ABCA10: variants seen among roughly 807,000 people sequenced by gnomAD.
ABCA10 encodes ATP-binding cassette sub-family A member 10.
Under a neutral mutation model 187.5 loss-of-function variants are expected in ABCA10, and 169 were observed. The observed-to-expected ratio is 0.90, with a 90% CI of 0.80 to 1.02. ABCA10 has a LOEUF of 1.02. Among genes scored for constraint, ABCA10 ranks in the 50% least tolerant of loss-of-function variants. The pLI is 0.00. For synonymous variants in ABCA10, 574 were observed against 601.8 expected (o/e 0.95, Z 0.68); for missense variants, 1,727 against 1,812.4 (o/e 0.95, Z 0.86).
In ABCA10 at chr17:69,152,453, T is replaced by C; in HGVS notation, c.4165A>G (p.Lys1389Glu). The change falls in exon 35 of 39, where the codon AAG becomes GAG. Residue 1389 changes from lysine to glutamate, a missense_variant. Physicochemically the swap from Lys to Glu is moderately conservative, Grantham distance 56. Coordinates refer to ENST00000690296, the MANE Select transcript of ABCA10 (RefSeq NM_001377321.1). The part of the protein sequence containing the change: ...WQILQATVKN[K>E]ERGTLLTTHY... ...GTGGTCAAGAGGGTGCCCCTCTCCTTGTTTTTAACGGTAGCCTGAAGTATC... is the reference window on the plus strand; with the variant it reads ...GTGGTCAAGAGGGTGCCCCTCTCCTCGTTTTTAACGGTAGCCTGAAGTATC... 6.2e-7 allele frequency: 1 copy of C among 1,613,880 alleles called. No individual in the cohort carries two copies. Among genetic ancestry groups the C allele is most frequent in the South Asian group, 1.1e-5 (1 of 91,050 alleles).
At chr17:69,190,547 A>G (rs2074452409) in intron 17 of ABCA10, 70 bp from the exon 18 acceptor site, 3 of 1,355,194 alleles carry the variant, frequency 2.2e-6, no homozygotes, top group East Asian at 5.7e-5. Flanking sequence ...ACTAATTTCT[A>G]AATATTACTC....
intron 10 of ABCA10, among the ~76,000 whole-genome samples, chr17:69,199,521 G>A (rs2074528691): frequency 6.6e-6 from 1 of 152,190 alleles, no homozygotes; most frequent in Non-Finnish European, 1.5e-5. Context: ...ATATCAAGGT[G>A]GATGACACTG....
chr17:69,213,139 T>C (rs1173675498), intron 9 of ABCA10, among the ~76,000 whole-genome samples: 2 of 152,134 alleles, frequency 1.3e-5, no homozygotes, highest in African/African-American at 4.8e-5. Flanking sequence ...TGACTTTGTG[T>C]AATGGCTTGA....
chr17:69,148,946 A>G, intron 38 of ABCA10, 21 bp from the exon 39 acceptor site: 1 of 1,612,986 alleles, frequency 6.2e-7, no homozygotes, highest in Non-Finnish European at 8.5e-7. Flanking sequence ...GAAAATAAAA[A>G]AGATACAAAA....
rs1345557998 is a variant in ABCA10 at position 69,239,627 on chromosome 17, C to T, written c.-593+4902G>A. On this transcript the variant is annotated intron_variant, in intron 1 of 39. Transcript: ENST00000269081. ...CGACAGAGTTGTTCTGTGTTGAGAG[C>T]TCTGCAGTTCTTTTTACAGTAATTG... Among the ~76,000 whole-genome samples the T allele has an allele frequency of 3.3e-5, 5 of 152,094 alleles. No individual in the cohort carries two copies. In the East Asian group the frequency reaches 9.7e-4, roughly 29 times the overall value.
intron 25 of ABCA10, among the ~76,000 whole-genome samples, chr17:69,166,944 T>G (rs901393590): frequency 6.6e-6 from 1 of 152,174 alleles, no homozygotes; most frequent in South Asian, 2.1e-4. Context: ...TGCAGTTGGG[T>G]TGATGATCAG....
chr17:69,207,560 C>T (rs1159383361), intron 9 of ABCA10, among the ~76,000 whole-genome samples: 2 of 151,954 alleles, frequency 1.3e-5, no homozygotes, highest in East Asian at 3.9e-4. Context: ...CAATAGAATA[C>T]TATTTAGCTT....
At chr17:69,191,527 G>A (rs541654826) in intron 16 of ABCA10, among the ~76,000 whole-genome samples, 1 of 152,200 alleles carries the variant, frequency 6.6e-6, no homozygotes, top group African/African-American at 2.4e-5. Flanking sequence ...ATTTCAAATG[G>A]AAAAATTATA....
At chr17:69,191,694 T>C (rs2074461453) in intron 16 of ABCA10, among the ~76,000 whole-genome samples, 1 of 152,228 alleles carries the variant, frequency 6.6e-6, no homozygotes, top group Non-Finnish European at 1.5e-5. Flanking sequence ...ACTATCATTA[T>C]TGTGCTACAT....
chr17:69,195,051 G>A (rs1275750713), intron 11 of ABCA10, among the ~76,000 whole-genome samples: 1 of 152,204 alleles, frequency 6.6e-6, no homozygotes, highest in Non-Finnish European at 1.5e-5. Flanking sequence ...TGGGATCTAA[G>A]ACATGTCACA....
chr17:69,239,532 C>T (rs2074891795), intron 1 of ABCA10, among the ~76,000 whole-genome samples: 3 of 152,184 alleles, frequency 2.0e-5, no homozygotes, highest in South Asian at 4.1e-4. Flanking sequence ...CTGCGATCAC[C>T]CTACAGACAC....
intron 22 of ABCA10, among the ~76,000 whole-genome samples, chr17:69,176,661 T>A (rs2074336336): frequency 1.3e-5 from 2 of 152,132 alleles, no homozygotes; most frequent in African/African-American, 4.8e-5. Flanking sequence ...ATGTTGTTGA[T>A]CCTGTTGCTT....
intron 27 of ABCA10, among the ~76,000 whole-genome samples, chr17:69,160,190 T>C (rs775139998): frequency 6.6e-6 from 1 of 152,220 alleles, no homozygotes; most frequent in Non-Finnish European, 1.5e-5. Flanking sequence ...GGTGAAAAGA[T>C]AACCTACAGA....
intron 11 of ABCA10, chr17:69,196,331 C>G (rs898483162): frequency 1.8e-5 from 3 of 170,078 alleles, no homozygotes; most frequent in Non-Finnish European, 3.7e-5. Context: ...ATCTCCCAGA[C>G]AGGGTGGCGG....
In ABCA10 at chr17:69,174,772, A is replaced by G. The variant is rs138778936; in HGVS notation, c.2883T>C (p.Asn961=). The G allele has an allele frequency of 5.1e-6, 8 of 1,574,750 alleles. No individual in the cohort carries two copies. Among genetic ancestry groups the G allele is most frequent in the Non-Finnish European group, 6.9e-6 (8 of 1,166,492 alleles). ...CTGAAATCCATAACTGGGATTGAAC[A>G]TTTTTCTGACAAAGAATAGAAGGGA... ...GMSSISDYKK[N]VQSQLWISGL... is the part of the protein sequence containing the mutation. The change falls in exon 24 of 39, where the codon AAT becomes AAC. Residue 961 remains asparagine (N), a synonymous_variant. Transcript: ENST00000690296.
Position 69,187,072 on chromosome 17 carries a change from G to A in ABCA10, c.2330+609C>T, listed in dbSNP as rs1227936935. ...AAATCAATGACTAGCAGAAATTATT[G>A]AGTTTGTAGGGTGTCAGATTGAAAG... On this transcript the variant is annotated intron_variant, in intron 19 of 38. Coordinates refer to ENST00000690296, the MANE Select transcript of ABCA10 (RefSeq NM_001377321.1). Among the ~76,000 whole-genome samples the A allele has an allele frequency of 2.6e-5, 4 of 152,042 alleles. No homozygotes were observed. The East Asian group carries it at 7.7e-4, about 29-fold the overall frequency.
At chr17:69,211,356 TATATAC>T (rs201539495) in intron 9 of ABCA10, among the ~76,000 whole-genome samples, 64 of 26,110 alleles carry the variant, frequency 2.5e-3, no homozygotes, top group Non-Finnish European at 3.5e-3. Flanking sequence ...TATATATATA[TATATAC>T]ACACACACCA....
intron 20 of ABCA10, among the ~76,000 whole-genome samples, chr17:69,183,057 A>C (rs1257645459): frequency 1.3e-5 from 2 of 152,184 alleles, no homozygotes; most frequent in Non-Finnish European, 2.9e-5. Flanking sequence ...TATAATTCTC[A>C]CCAGGTGAAA....
In ABCA10 at chr17:69,148,822, T is replaced by C; in HGVS notation, c.*5A>G. On this transcript the variant is annotated 3_prime_UTR_variant, in exon 39 of 39. Transcript: ENST00000690296. ...CTAAAATTGAATGTTAGGAGGTTCTTCATTTTAAGGGTCTTCCTGTGGGAG... is the reference window on the plus strand; with the variant it reads ...CTAAAATTGAATGTTAGGAGGTTCTCCATTTTAAGGGTCTTCCTGTGGGAG... 1 of 1,609,394 alleles carries C rather than the reference T, an allele frequency of 6.2e-7. No individual in the cohort carries two copies.
Sources: gnomAD v4.1 joint callset for allele counts (sites outside exome capture counted in the v4.1 genomes callset) on GRCh38, gnomAD v4.1.1 for gene constraint, MANE v1.5 for transcripts, NCBI Gene and HGNC (gene_info 2026-07-23, HGNC 2026-07-21) for gene names.